CNTN5: variants seen among roughly 807,000 people sequenced by gnomAD.
CNTN5 encodes the protein contactin-5.
A neutral mutation model predicts 129.1 loss-of-function variants in CNTN5; 77 were observed. The ratio of observed to expected loss-of-function variants is 0.60; its 90% confidence interval spans 0.50 to 0.72. CNTN5 has a LOEUF of 0.72. Among genes scored for constraint, CNTN5 ranks in the 30% least tolerant of loss-of-function variants. The pLI, the probability that CNTN5 is intolerant of heterozygous loss-of-function variation, is 0.00. For synonymous variants in CNTN5, 509 were observed against 465.6 expected (o/e 1.09, Z -1.20); for missense variants, 1,478 against 1,328.8 (o/e 1.11, Z -1.75).
intron 9 of CNTN5, among the ~76,000 whole-genome samples, chr11:100,045,266 A>G (rs1210125057): frequency 6.6e-6 from 1 of 152,164 alleles, no homozygotes; most frequent in Non-Finnish European, 1.5e-5. Context: ...ACCACAGAAA[A>G]TTAAGACATT....
intron 3 of CNTN5, among the ~76,000 whole-genome samples, chr11:99,769,586 A>T (rs914579095): frequency 1.3e-5 from 2 of 152,032 alleles, no homozygotes; most frequent in African/African-American, 4.8e-5. Context: ...GAATCATGAT[A>T]CTCACTTTGG....
intron 1 of CNTN5, among the ~76,000 whole-genome samples, chr11:99,270,681 C>T (rs778489672): frequency 6.6e-6 from 1 of 151,918 alleles, no homozygotes; most frequent in African/African-American, 2.4e-5. Flanking sequence ...TAATAATAGG[C>T]ATTTAGAACA....
intron 2 of CNTN5, among the ~76,000 whole-genome samples, chr11:99,337,195 A>G (rs571236308): frequency 3.9e-5 from 6 of 152,298 alleles, no homozygotes; most frequent in South Asian, 2.1e-4. Flanking sequence ...AACATGTTGT[A>G]GCTGTGGAAT....
chr11:100,213,582 T>A (rs1421838920), intron 15 of CNTN5, among the ~76,000 whole-genome samples: 1 of 152,214 alleles, frequency 6.6e-6, no homozygotes, highest in Non-Finnish European at 1.5e-5. Context: ...GTGTCTTGAC[T>A]CACTTTCAAA....
intron 3 of CNTN5, among the ~76,000 whole-genome samples, chr11:99,782,629 G>T (rs1409644931): frequency 6.6e-6 from 1 of 151,400 alleles, no homozygotes; most frequent in Non-Finnish European, 1.5e-5. Flanking sequence ...CCAAAACAGA[G>T]ATATAGATCA....
chr11:100,067,294 G>C (rs1382214475), intron 10 of CNTN5, among the ~76,000 whole-genome samples: 1 of 151,964 alleles, frequency 6.6e-6, no homozygotes, highest in Admixed American at 6.6e-5. Flanking sequence ...AATTCCACTT[G>C]TGTGTGTGTC....
intron 1 of CNTN5, among the ~76,000 whole-genome samples, chr11:99,132,574 A>T (rs1859000345): frequency 6.6e-6 from 1 of 152,166 alleles, no homozygotes; most frequent in South Asian, 2.1e-4. Flanking sequence ...TACACAATCA[A>T]TGTGCAGAAA....
chr11:99,674,331 C>T (rs567910960), intron 3 of CNTN5, among the ~76,000 whole-genome samples: 5 of 150,932 alleles, frequency 3.3e-5, no homozygotes, highest in Non-Finnish European at 7.4e-5. Context: ...TGTTTAGGTT[C>T]CTTATAGATG....
At chr11:99,944,916 A>C (rs1950521764) in intron 7 of CNTN5, among the ~76,000 whole-genome samples, 1 of 152,100 alleles carries the variant, frequency 6.6e-6, no homozygotes, top group African/African-American at 2.4e-5. Context: ...AGGCAGTAGT[A>C]CTTGTACTTG....
At chr11:99,597,440 A>G (rs1458286272) in intron 3 of CNTN5, among the ~76,000 whole-genome samples, 1 of 152,088 alleles carries the variant, frequency 6.6e-6, no homozygotes, top group Non-Finnish European at 1.5e-5. Flanking sequence ...TAAACTCCCA[A>G]AATATTTCAA....
Position 99,561,841 on chromosome 11 carries a change from G to A in CNTN5, c.55+5572G>A, listed in dbSNP as rs74549250. ...AGGTATATTGGATAGGATCTCATAA[G>A]AGAAAAAGAGCATTACATAAATACT... On this transcript the variant is annotated intron_variant, in intron 3 of 24. Coordinates refer to ENST00000524871, the MANE Select transcript of CNTN5 (RefSeq NM_014361.4). Among the ~76,000 whole-genome samples the A allele has an allele frequency of 1.1e-3, 157 of 144,978 alleles. 1 individual carries two copies. Among genetic ancestry groups the A allele is most frequent in the African/African-American group, 3.7e-3 (148 of 39,546 alleles).
chr11:99,427,874 C>T (rs1943201533), intron 2 of CNTN5, among the ~76,000 whole-genome samples: 1 of 150,026 alleles, frequency 6.7e-6, no homozygotes, highest in African/African-American at 2.5e-5. Context: ...TTTTGTGTAT[C>T]AGTGTATTTT....
At chr11:99,230,183 A>AT (rs1367296768) in intron 1 of CNTN5, among the ~76,000 whole-genome samples, 1 of 152,002 alleles carries the variant, frequency 6.6e-6, no homozygotes, top group Non-Finnish European at 1.5e-5. Context: ...AATAAAATAT[A>AT]TTTTTTATAT....
intron 2 of CNTN5, among the ~76,000 whole-genome samples, chr11:99,529,078 AAAAC>A (rs200833989): frequency 0.059 from 8,981 of 152,160 alleles, 379 homozygotes; most frequent in South Asian, 0.11. Context: ...TGAGTCTCAA[AAAAC>A]AAACAAACAA....
intron 2 of CNTN5, among the ~76,000 whole-genome samples, chr11:99,418,561 T>C (rs771591181): frequency 6.6e-5 from 10 of 152,184 alleles, no homozygotes; most frequent in Non-Finnish European, 1.5e-4. Context: ...TAGCTAAAAT[T>C]ACTTTTCTTT....
At chr11:100,055,780 G>A (rs1591146481) in intron 9 of CNTN5, among the ~76,000 whole-genome samples, 1 of 151,458 alleles carries the variant, frequency 6.6e-6, no homozygotes, top group East Asian at 1.9e-4. Context: ...CTGTGCTTAT[G>A]GATTCATGTC....
intron 1 of CNTN5, among the ~76,000 whole-genome samples, chr11:99,076,701 G>T (rs952408811): frequency 1.3e-5 from 2 of 151,768 alleles, no homozygotes; most frequent in Non-Finnish European, 2.9e-5. Flanking sequence ...GACATGATTT[G>T]TTAAAAAAAA....
intron 3 of CNTN5, among the ~76,000 whole-genome samples, chr11:99,689,690 G>T (rs2134774243): frequency 6.6e-6 from 1 of 151,940 alleles, no homozygotes; most frequent in Admixed American, 6.6e-5. Flanking sequence ...GTGTTGTTGG[G>T]CTTTTTTTCA....
Position 100,286,797 on chromosome 11 carries a change from C to G in CNTN5, c.2315-10828C>G, listed in dbSNP as rs1488134030. ...CTGAGAGAAGAAGGCTTCAGATGAT[C>G]AAATTACTCTGAGCTACGGGAGGAC... is the stretch of plus-strand genomic sequence containing the variant. On this transcript the variant is annotated intron_variant, in intron 18 of 24. Transcript: ENST00000524871. Among the ~76,000 whole-genome samples, 90 of 148,800 alleles carry G rather than the reference C, an allele frequency of 6.0e-4. 1 individual carries two copies. Among genetic ancestry groups the G allele is most frequent in the African/African-American group, 2.2e-3 (87 of 39,716 alleles).
Sources: allele counts gnomAD v4.1 joint callset (sites outside exome capture counted in the v4.1 genomes callset), GRCh38; gene constraint gnomAD v4.1.1; transcripts MANE v1.5; gene names NCBI Gene and HGNC (gene_info 2026-07-23, HGNC 2026-07-21).